Variants in PPFIBP1 observed in about 807,000 individuals in gnomAD.
PPFIBP1 encodes the protein liprin-beta-1.
PPFIBP1 carries 112 observed loss-of-function variants against 137.8 expected under a neutral mutation model. That is an observed-to-expected ratio of 0.81 (90% confidence interval 0.70 to 0.95). The LOEUF is 0.95. Ranked by LOEUF, PPFIBP1 falls within the 40% of genes least tolerant of loss-of-function variation. The pLI is 0.00. For synonymous variants in PPFIBP1, 378 were observed against 417.3 expected, an observed-to-expected ratio of 0.91 and a Z score of 1.15; for missense variants, 1,083 against 1,196.6, an observed-to-expected ratio of 0.91 and a Z score of 1.40.
intron 25 of PPFIBP1, 104 bp downstream of exon 25, chr12:27,687,611 C>A: frequency 7.5e-7 from 1 of 1,330,420 alleles, no homozygotes. Context: ...CAGGAAAAGC[C>A]TTAAAATCCA....
At chr12:27,688,647 A>G (rs188814239) in intron 26 of PPFIBP1, among the ~76,000 whole-genome samples, 1 of 152,312 alleles carries the variant, frequency 6.6e-6, no homozygotes, top group East Asian at 1.9e-4. Context: ...ATGTTGAATA[A>G]CATGTAGCTG....
chr12:27,564,058 A>T lies in PPFIBP1; in HGVS notation c.-123-14094A>T, dbSNP rs1173503345. 2.6e-5 allele frequency among the ~76,000 whole-genome samples: 4 copies of T among 151,912 alleles called. 1 individual carries two copies. The highest frequency in any genetic ancestry group is 7.3e-5 in the African/African-American group (3 of 41,350). ...TGGCTAATTTTTGTATTTTTAGTAGAGACAGAGTTTCACCATATTGGCCAG... is the reference window on the plus strand; with the variant it reads ...TGGCTAATTTTTGTATTTTTAGTAGTGACAGAGTTTCACCATATTGGCCAG... On this transcript the variant is annotated intron_variant, in intron 1 of 29. Transcript: ENST00000228425.
At chr12:27,689,603 C>A (rs2061403548) in intron 27 of PPFIBP1, among the ~76,000 whole-genome samples, 1 of 152,236 alleles carries the variant, frequency 6.6e-6, no homozygotes, top group East Asian at 1.9e-4. Flanking sequence ...TTTATGATGT[C>A]CAGTTTTTTC....
chr12:27,640,729 A>G lies in PPFIBP1; in HGVS notation c.271-5333A>G, dbSNP rs534957644. Among the ~76,000 whole-genome samples, 7 of 152,198 alleles carry G rather than the reference A, an allele frequency of 4.6e-5. No homozygotes were observed. In the South Asian group the frequency reaches 1.2e-3, roughly 27 times the overall value. ...TATCATGTTCTTTGACTCTTTGGAC[A>G]GTAGTGGTGTAAGATGCCTTATTAT... On this transcript the variant is annotated intron_variant, in intron 4 of 29. Coordinates refer to ENST00000228425, the MANE Select transcript of PPFIBP1 (RefSeq NM_003622.4).
chr12:27,642,433 C>T (rs1049452285), intron 4 of PPFIBP1, among the ~76,000 whole-genome samples: 1 of 152,232 alleles, frequency 6.6e-6, no homozygotes, highest in Non-Finnish European at 1.5e-5. Context: ...TACTTAAATA[C>T]ATTTTAAGTT....
At chr12:27,631,818 A>T (rs979215147) in intron 2 of PPFIBP1, among the ~76,000 whole-genome samples, 9 of 152,172 alleles carry the variant, frequency 5.9e-5, no homozygotes, top group African/African-American at 2.2e-4. Flanking sequence ...ATTTAGTGAG[A>T]TGATATGTTT....
rs71039820 is a variant in PPFIBP1, at chr12:27,558,495, C to CACACAT, written c.-123-19657_-123-19656insACACAT. Among the ~76,000 whole-genome samples, 10 of 111,542 alleles carry CACACAT rather than the reference C, an allele frequency of 9.0e-5. 2 individuals carry two copies. Among genetic ancestry groups the CACACAT allele is most frequent in the African/African-American group, 3.3e-4 (9 of 27,262 alleles). The allele number at this position is 111,542 out of a possible 152,430, so 73.2% of individuals were successfully genotyped here. On this transcript the variant is annotated intron_variant, in intron 1 of 29. Transcript: ENST00000228425. ...ACACACACACACACACACACACACA[C>CACACAT]GATATTCTATATAGATCAAGAAATG...
Position 27,603,930 on chromosome 12 carries a change from T to C in PPFIBP1, c.-36+25691T>C, listed in dbSNP as rs147476846. Among the ~76,000 whole-genome samples, 122 of 152,292 alleles carry C rather than the reference T, an allele frequency of 8.0e-4. 2 individuals carry two copies. The highest frequency in any genetic ancestry group is 2.8e-3 in the African/African-American group (115 of 41,552). On this transcript the variant is annotated intron_variant, in intron 2 of 29. Coordinates refer to ENST00000228425, the MANE Select transcript of PPFIBP1 (RefSeq NM_003622.4). ...TGTTTGTGGGGAAGGAGGAGAGACA[T>C]AGACTCCCTGGGTACTGTTACTTAC...
intron 1 of PPFIBP1, among the ~76,000 whole-genome samples, chr12:27,546,114 C>G (rs1280779449): frequency 6.6e-6 from 1 of 152,110 alleles, no homozygotes; most frequent in East Asian, 1.9e-4. Flanking sequence ...AGGTGGGAGT[C>G]ACAAAGGGAG....
At chr12:27,656,866 C>T (rs2059232941) in intron 9 of PPFIBP1, 136 bp downstream of exon 9, 1 of 610,326 alleles carries the variant, frequency 1.6e-6, no homozygotes, top group African/African-American at 1.9e-5. Flanking sequence ...ACCAGAACCA[C>T]AGGGGATTCT....
Position 27,687,423 on chromosome 12 carries a change from C to G in PPFIBP1, c.2286C>G (p.His762Gln). ...LLSLKVVSVLHHLSIKRAIQV... is the reference protein window; with the variant it reads ...LLSLKVVSVLQHLSIKRAIQV... ...CTCTGAAGGTTGTAAGTGTGCTACA[C>G]CATCTCAGTATCAAAAGGGCCATCC... Residue 762 changes from histidine (H) to glutamine (Q), a missense_variant, in exon 25 of 30, where the codon CAC becomes CAG. By Grantham distance (24) the His-to-Gln change is conservative (BLOSUM62 0). Coordinates refer to ENST00000228425, the MANE Select transcript of PPFIBP1 (RefSeq NM_003622.4). 1.9e-6 allele frequency: 3 copies of G among 1,614,024 alleles called. No homozygotes were observed. The South Asian group carries it at 3.3e-5, about 18-fold the overall frequency.
intron 2 of PPFIBP1, among the ~76,000 whole-genome samples, chr12:27,596,742 A>G (rs1210129013): frequency 1.3e-5 from 2 of 152,152 alleles, no homozygotes; most frequent in African/African-American, 4.8e-5. Context: ...TAAGCACTTT[A>G]TATGTGTCAT....
At chr12:27,550,334 T>A (rs1214331717) in intron 1 of PPFIBP1, among the ~76,000 whole-genome samples, 1 of 152,204 alleles carries the variant, frequency 6.6e-6, no homozygotes, top group Non-Finnish European at 1.5e-5. Context: ...ATTTTTTTTG[T>A]AAGCTGCTCC....
intron 14 of PPFIBP1, 124 bp from the exon 15 acceptor site, chr12:27,672,302 CA>C: frequency 1.4e-6 from 1 of 723,368 alleles, no homozygotes; most frequent in Non-Finnish European, 2.3e-6. Context: ...TAAAATAGGA[CA>C]TTTAAAAAAA....
intron 14 of PPFIBP1, among the ~76,000 whole-genome samples, 199 bp downstream of exon 14, chr12:27,671,745 T>C (rs896327520): frequency 2.0e-5 from 3 of 152,100 alleles, no homozygotes; most frequent in African/African-American, 7.2e-5. Context: ...GAGATCAGGC[T>C]GGGGAGGTAG....
chr12:27,605,326 T>C (rs1221225199), intron 2 of PPFIBP1, among the ~76,000 whole-genome samples: 1 of 152,028 alleles, frequency 6.6e-6, no homozygotes, highest in Non-Finnish European at 1.5e-5. Context: ...AGCAAAACTT[T>C]AGAGGTAGAA....
intron 2 of PPFIBP1, among the ~76,000 whole-genome samples, chr12:27,583,374 A>C (rs16932206): frequency 6.6e-6 from 1 of 152,222 alleles, no homozygotes; most frequent in Non-Finnish European, 1.5e-5. Context: ...TTTCCTGCTC[A>C]AGGAGGTCAC....
intron 27 of PPFIBP1, among the ~76,000 whole-genome samples, 170 bp downstream of exon 27, chr12:27,689,373 A>G (rs966580520): frequency 6.6e-6 from 1 of 152,146 alleles, no homozygotes; most frequent in African/African-American, 2.4e-5. Context: ...ATGTTGGCCA[A>G]TAGACAGTTG....
chr12:27,658,859 G>A lies in PPFIBP1; in HGVS notation c.844+11G>A, dbSNP rs576508430. ...AGCTCAAAGAAAAAAGTAAGGTTTG[G>A]TGCATTTCCATCAGCCTTTACATTC... is the stretch of plus-strand genomic sequence containing the variant. On this transcript the variant is annotated intron_variant, in intron 10 of 29. Transcript: ENST00000228425. The A allele has an allele frequency of 8.3e-5, 134 of 1,611,432 alleles. No individual in the cohort carries two copies. In the South Asian group the frequency reaches 1.4e-3, roughly 17 times the overall value.
Sources: gnomAD v4.1 joint callset for allele counts (sites outside exome capture counted in the v4.1 genomes callset) on GRCh38, gnomAD v4.1.1 for gene constraint, MANE v1.5 for transcripts, NCBI Gene and HGNC (gene_info 2026-07-23, HGNC 2026-07-21) for gene names.